Variants in GLYR1 observed in about 807,000 individuals in gnomAD.
The protein encoded by GLYR1 is cytokine-like nuclear factor N-PAC.
GLYR1 carries 21 observed loss-of-function variants against 72.7 expected under a neutral mutation model. The ratio of observed to expected loss-of-function variants is 0.29; its 90% CI spans 0.20 to 0.42. The LOEUF is 0.42. Among genes scored for constraint, GLYR1 ranks in the 10% least tolerant of loss-of-function variants. GLYR1 has a pLI of 1.00. For missense variants in GLYR1, 594 were observed against 712.1 expected, an observed-to-expected ratio of 0.83 and a Z score of 1.89; for synonymous variants, 392 against 270.2, an observed-to-expected ratio of 1.45 and a Z score of -4.42.
intron 11 of GLYR1, among the ~76,000 whole-genome samples, chr16:4,814,286 A>G (rs2083490401): frequency 6.6e-6 from 1 of 152,240 alleles, no homozygotes; most frequent in Non-Finnish European, 1.5e-5. Context: ...ACAAGAACAC[A>G]TGAAGCCTGT....
intron 3 of GLYR1, among the ~76,000 whole-genome samples, chr16:4,834,620 C>A (rs1008341575): frequency 6.6e-6 from 1 of 152,240 alleles, no homozygotes; most frequent in Middle Eastern, 3.4e-3. Context: ...TATGCACCAC[C>A]ACACCCAGCT....
chr16:4,814,047 G>C (rs948859453), intron 11 of GLYR1: 11 of 405,986 alleles, frequency 2.7e-5, no homozygotes, highest in African/African-American at 2.1e-4. Context: ...ATGTGAGTGT[G>C]TGCATTTCTT....
At chr16:4,833,862 T>C (rs960887725) in intron 3 of GLYR1, among the ~76,000 whole-genome samples, 3 of 152,192 alleles carry the variant, frequency 2.0e-5, no homozygotes, top group Non-Finnish European at 2.9e-5. Context: ...GCTTATAGAA[T>C]CCAAGCACAA....
At chr16:4,846,097 T>G (rs1383147538) in intron 2 of GLYR1, 77 bp downstream of exon 2, 1 of 1,483,964 alleles carries the variant, frequency 6.7e-7, no homozygotes, top group Admixed American at 1.7e-5. Context: ...TACTAGAAAC[T>G]GAGAGGAATG....
intron 15 of GLYR1, among the ~76,000 whole-genome samples, chr16:4,810,888 T>G (rs1399583425): frequency 6.6e-6 from 1 of 151,476 alleles, no homozygotes; most frequent in East Asian, 1.9e-4. Flanking sequence ...GTGGATCACC[T>G]GAGGTCAGGA....
rs77270141 is a variant in GLYR1, at chr16:4,806,289, G to A, written c.1588-979C>T. ...GCCTTAAAGGATGAGGGAGAGGAAGGGGGAAAGAAATGCTTCTGTGTGGTT... is the reference window on the plus strand; with the variant it reads ...GCCTTAAAGGATGAGGGAGAGGAAGAGGGAAAGAAATGCTTCTGTGTGGTT... On this transcript the variant is annotated intron_variant, in intron 15 of 15. Transcript: ENST00000321919. Among the ~76,000 whole-genome samples, 596 of 152,296 alleles carry A rather than the reference G, an allele frequency of 3.9e-3. 27 individuals carry two copies. In the East Asian group the frequency reaches 0.095, roughly 24 times the overall value.
In GLYR1 at chr16:4,821,437, G is replaced by C; in HGVS notation, c.749C>G (p.Ser250Cys). Reference protein sequence around the residue: ...KICEEETGSTSIQAADSTAVN... With the variant: ...KICEEETGSTCIQAADSTAVN... ...GGCTGTGCTGTCAGCTGCCTGGATGGAGGTGGAGCCAGTTTCCTACGGACA... is the reference window on the plus strand; with the variant it reads ...GGCTGTGCTGTCAGCTGCCTGGATGCAGGTGGAGCCAGTTTCCTACGGACA... The change falls in exon 9 of 16, where the codon TCC becomes TGC. Residue 250 changes from serine to cysteine, a missense_variant. Physicochemically the swap from Ser to Cys is moderately radical, Grantham distance 112. Around this residue, in one of 5 missense-constraint regions of GLYR1, gnomAD observed 252 missense variants for 211.3 expected, o/e 1.19. Coordinates refer to ENST00000321919, the MANE Select transcript of GLYR1 (RefSeq NM_032569.4). The C allele has an allele frequency of 1.9e-6, 3 of 1,613,956 alleles. No individual in the cohort carries two copies. Among genetic ancestry groups the C allele is most frequent in the Non-Finnish European group, 2.5e-6 (3 of 1,180,050 alleles).
chr16:4,832,748 T>C (rs1794254885), intron 4 of GLYR1, 26 bp downstream of exon 4: 2 of 1,591,282 alleles, frequency 1.3e-6, no homozygotes, highest in Non-Finnish European at 1.7e-6. Context: ...CTGGCATTGG[T>C]AGAAAGTGAA....
intron 3 of GLYR1, among the ~76,000 whole-genome samples, chr16:4,833,904 T>C (rs981578386): frequency 6.6e-6 from 1 of 152,212 alleles, no homozygotes; most frequent in Non-Finnish European, 1.5e-5. Context: ...AGGTATCAGT[T>C]AGTTTACATG....
chr16:4,845,673 C>T (rs1181846765), intron 2 of GLYR1, among the ~76,000 whole-genome samples: 1 of 152,022 alleles, frequency 6.6e-6, no homozygotes, highest in Non-Finnish European at 1.5e-5. Context: ...GGGCTCCAAG[C>T]AAGAATATAA....
Position 4,811,714 on chromosome 16 carries a change from C to A in GLYR1, c.1371G>T (p.Leu457=). Residue 457 remains leucine, a synonymous_variant, in exon 14 of 16, where the codon CTG becomes CTT. Coordinates refer to ENST00000321919, the MANE Select transcript of GLYR1 (RefSeq NM_032569.4). ...GCTGGGACTGGCCTGTCACCTGGGC[C>A]AGGGTCAGCCCCTCGGCAATAGTGG... is the stretch of plus-strand genomic sequence containing the variant. ...FMATIAEGLT[L]AQVTGQSQQT... 6.2e-7 allele frequency: 1 copy of A among 1,614,210 alleles called. No individual in the cohort carries two copies. Among genetic ancestry groups the A allele is most frequent in the Non-Finnish European group, 8.5e-7 (1 of 1,180,020 alleles).
At chr16:4,817,996 G>C (rs2083759394) in intron 9 of GLYR1, 3 of 275,854 alleles carry the variant, frequency 1.1e-5, no homozygotes, top group East Asian at 1.7e-4. Context: ...AAGTCCCCTT[G>C]CTGCCCTTTT....
In GLYR1 at chr16:4,836,553, G is replaced by A. The variant is rs148919177; in HGVS notation, c.156-3641C>T. On this transcript the variant is annotated intron_variant, in intron 3 of 15. Transcript: ENST00000321919. ...TTGTGATAGTAAATAGCTGAAAACA[G>A]GCAAGGTCATTACAGAGAAGGAAAG... 2.2e-3 allele frequency among the ~76,000 whole-genome samples: 335 copies of A among 152,276 alleles called. 2 individuals carry two copies. Among genetic ancestry groups the A allele is most frequent in the African/African-American group, 7.7e-3 (321 of 41,548 alleles).
chr16:4,841,080 T>C (rs779414404), intron 3 of GLYR1, among the ~76,000 whole-genome samples: 10 of 152,198 alleles, frequency 6.6e-5, no homozygotes, highest in African/African-American at 2.4e-4. Flanking sequence ...GTTAAAAATA[T>C]TGCATTTAGC....
At position 4,815,124 on chromosome 16, in the gene GLYR1, G is replaced by C. The variant is rs57879205; in HGVS notation, c.907-477C>G. 4.7e-3 allele frequency among the ~76,000 whole-genome samples: 692 copies of C among 145,706 alleles called. 3 individuals are homozygous for C. The highest frequency in any genetic ancestry group is 0.016 in the African/African-American group (651 of 39,570). ...ACTACCATTTTGGCTTTTTTTTTTT[G>C]AGACAAGGTTTTGCTCTGTCACCCA... On this transcript the variant is annotated intron_variant, in intron 10 of 15. Transcript: ENST00000321919.
At chr16:4,812,359 G>T in intron 12 of GLYR1, 111 bp from the exon 13 acceptor site, 1 of 1,198,624 alleles carries the variant, frequency 8.3e-7, no homozygotes, top group Non-Finnish European at 1.1e-6. Context: ...TTCCAGAGCT[G>T]GAGGGGACGG....
intron 15 of GLYR1, 121 bp downstream of exon 15, chr16:4,811,049 G>C (rs1326145870): frequency 2.3e-5 from 29 of 1,261,316 alleles, no homozygotes; most frequent in Non-Finnish European, 3.1e-5. Context: ...AGGTTGCATT[G>C]AGCTGAGATC....
chr16:4,835,201 C>T (rs1452059055), intron 3 of GLYR1, among the ~76,000 whole-genome samples: 1 of 152,130 alleles, frequency 6.6e-6, no homozygotes, highest in Non-Finnish European at 1.5e-5. Context: ...CTACCTCCAT[C>T]CCTGCCTCCC....
chr16:4,837,496 T>C (rs2085218657), intron 3 of GLYR1, among the ~76,000 whole-genome samples: 1 of 151,880 alleles, frequency 6.6e-6, no homozygotes, highest in Non-Finnish European at 1.5e-5. Flanking sequence ...CTATGACTAA[T>C]CTTGAACGCT....
Sources: allele counts gnomAD v4.1 joint callset (sites outside exome capture counted in the v4.1 genomes callset), GRCh38; gene constraint gnomAD v4.1.1; regional missense constraint gnomAD v4.1.1; transcripts MANE v1.5; gene names NCBI Gene and HGNC (gene_info 2026-07-23, HGNC 2026-07-21).